The following RAVER2 variants were observed in gnomAD, a reference collection of about 807,000 sequenced individuals.
RAVER2 encodes the protein ribonucleoprotein PTB-binding 2.
In RAVER2, 46 loss-of-function variants were observed where a neutral mutation model predicts 78.1. That is an observed-to-expected ratio of 0.59 (90% CI 0.46 to 0.75). The LOEUF (loss-of-function observed/expected upper bound fraction) is 0.75, where lower values mean the gene tolerates loss of function less well. RAVER2 is among the 30% of genes least tolerant of loss of function. The pLI is 0.00. For missense variants in RAVER2, 793 were observed against 837.5 expected (o/e 0.95, Z 0.66); for synonymous variants, 311 against 313.3 (o/e 0.99, Z 0.08).
Position 64,746,414 on chromosome 1 carries a change from T to C in RAVER2, c.249+993T>C, listed in dbSNP as rs190987638. Among the ~76,000 whole-genome samples the C allele has an allele frequency of 1.1e-4, 16 of 152,366 alleles. No homozygotes were observed. The East Asian group carries it at 2.9e-3, about 28-fold the overall frequency. On this transcript the variant is annotated intron_variant, in intron 1 of 11. Transcript: ENST00000294428. ...GTTTCACATATAACCTGAATTTATA[T>C]ACTGCTCCGAGTGTGGTGGGCTGTC...
intron 5 of RAVER2, among the ~76,000 whole-genome samples, chr1:64,794,508 CT>C (rs1335987784): frequency 9.9e-5 from 15 of 151,600 alleles, no homozygotes. Context: ...CCCACCAGTA[CT>C]TGATCTGTTG....
At chr1:64,807,921 T>G (rs1653489203) in intron 9 of RAVER2, among the ~76,000 whole-genome samples, 1 of 152,176 alleles carries the variant, frequency 6.6e-6, no homozygotes, top group Admixed American at 6.5e-5. Context: ...TGAAAAAGCT[T>G]AGGAGTATCA....
intron 11 of RAVER2, among the ~76,000 whole-genome samples, chr1:64,818,008 CA>C (rs2100894090): frequency 6.6e-6 from 1 of 152,202 alleles, no homozygotes; most frequent in Admixed American, 6.5e-5. Flanking sequence ...TTCTTGATTT[CA>C]AAGGCCACAT....
At chr1:64,752,072 G>A (rs1651715900) in intron 1 of RAVER2, among the ~76,000 whole-genome samples, 1 of 152,172 alleles carries the variant, frequency 6.6e-6, no homozygotes, top group African/African-American at 2.4e-5. Context: ...GGGCAGGATA[G>A]CCCTTGGTGG....
intron 1 of RAVER2, among the ~76,000 whole-genome samples, chr1:64,754,276 A>G (rs1651787857): frequency 6.6e-6 from 1 of 152,138 alleles, no homozygotes; most frequent in Non-Finnish European, 1.5e-5. Flanking sequence ...CAAAGCTTAT[A>G]TCCTTATCTC....
intron 9 of RAVER2, among the ~76,000 whole-genome samples, chr1:64,812,362 CAAAAAAAA>C (rs61411897): frequency 1.7e-4 from 12 of 70,088 alleles, no homozygotes; most frequent in African/African-American, 6.1e-4. Flanking sequence ...ATTCCATCTC[CAAAAAAAA>C]AAAAAAAAAA....
Position 64,768,737 on chromosome 1 carries a change from C to T in RAVER2, c.316+15C>T. The T allele has an allele frequency of 7.0e-6, 10 of 1,430,928 alleles. No homozygotes were observed. The highest frequency in any genetic ancestry group is 9.8e-6 in the Non-Finnish European group (10 of 1,021,776). The allele number at this position is 1,430,928 out of a possible 1,614,324, so 88.6% of individuals were successfully genotyped here. On this transcript the variant is annotated intron_variant, in intron 2 of 11. Transcript: ENST00000294428. The stretch of plus-strand genomic sequence containing the variant: ...TAAACGAACAGGTAAGATTTCTATT[C>T]TAAGTGTCTAATTTCATTTTGATTC...
chr1:64,753,507 G>A (rs1651758810), intron 1 of RAVER2, among the ~76,000 whole-genome samples: 1 of 150,014 alleles, frequency 6.7e-6, no homozygotes, highest in Admixed American at 6.7e-5. Context: ...TCTACCCTCT[G>A]GCAATGTATA....
At chr1:64,761,741 A>G (rs1170624143) in intron 1 of RAVER2, among the ~76,000 whole-genome samples, 3 of 152,346 alleles carry the variant, frequency 2.0e-5, no homozygotes, top group East Asian at 3.9e-4. Flanking sequence ...ATATAAAAAA[A>G]GATGTAAAAC....
intron 6 of RAVER2, among the ~76,000 whole-genome samples, chr1:64,803,418 T>G (rs571313094): frequency 6.6e-6 from 1 of 152,262 alleles, no homozygotes; most frequent in East Asian, 1.9e-4. Context: ...GAACAGTAAC[T>G]TAATTTTTAA....
chr1:64,797,911 A>C (rs953664324), intron 5 of RAVER2, among the ~76,000 whole-genome samples: 1 of 149,420 alleles, frequency 6.7e-6, no homozygotes, highest in Non-Finnish European at 1.5e-5. Flanking sequence ...AAAGTAATGT[A>C]GTTTTTTTTT....
chr1:64,764,167 T>G (rs928015102), intron 1 of RAVER2, among the ~76,000 whole-genome samples: 2 of 152,112 alleles, frequency 1.3e-5, no homozygotes, highest in African/African-American at 4.8e-5. Context: ...AAAGCTTTAT[T>G]TAGGACAGTA....
exon 4 of RAVER2, chr1:64,781,481 C>T: frequency 6.2e-7 from 1 of 1,614,086 alleles, no homozygotes; most frequent in East Asian, 2.2e-5. Context: ...ACGGTATGAC[C>T]ATCAAGGGCA....
rs1218018070 is a variant in RAVER2 at position 64,747,635 on chromosome 1, C to T, written c.249+2214C>T. ...CAAGTGATTCTCCCTGCCTCAGCCT[C>T]CCAAGTAGCTGGGATTACATAAGCC... is the stretch of plus-strand genomic sequence containing the variant. On this transcript the variant is annotated intron_variant, in intron 1 of 11. Transcript: ENST00000294428. Among the ~76,000 whole-genome samples the T allele has an allele frequency of 2.0e-5, 3 of 152,052 alleles. No individual in the cohort carries two copies. The East Asian group carries it at 5.8e-4, about 29-fold the overall frequency.
At chr1:64,806,278 G>T (rs1422572194) in intron 8 of RAVER2, among the ~76,000 whole-genome samples, 3 of 152,150 alleles carry the variant, frequency 2.0e-5, no homozygotes, top group African/African-American at 7.2e-5. Flanking sequence ...AGGCATGCTG[G>T]CACACGCCTG....
intron 4 of RAVER2, among the ~76,000 whole-genome samples, chr1:64,786,519 G>T (rs534390137): frequency 2.6e-5 from 4 of 152,168 alleles, no homozygotes; most frequent in African/African-American, 4.8e-5. Flanking sequence ...GGCCAGGTGC[G>T]GTGGCTCTTG....
At chr1:64,784,409 C>G (rs975715937) in intron 4 of RAVER2, among the ~76,000 whole-genome samples, 6 of 152,044 alleles carry the variant, frequency 3.9e-5, no homozygotes, top group Admixed American at 3.9e-4. Flanking sequence ...AAACAAAGCT[C>G]TCTACTACCT....
intron 9 of RAVER2, among the ~76,000 whole-genome samples, chr1:64,810,947 C>G (rs1164659399): frequency 2.0e-5 from 3 of 151,792 alleles, no homozygotes; most frequent in African/African-American, 7.3e-5. Flanking sequence ...ACCCCATAGC[C>G]TAGAAATATT....
At chr1:64,777,237 A>G (rs1485541336) in intron 2 of RAVER2, among the ~76,000 whole-genome samples, 1 of 152,136 alleles carries the variant, frequency 6.6e-6, no homozygotes, top group Non-Finnish European at 1.5e-5. Flanking sequence ...ATTTCAGTTA[A>G]GTTTTATATA....
Sources: gnomAD v4.1 joint callset for allele counts (sites outside exome capture counted in the v4.1 genomes callset) on GRCh38, gnomAD v4.1.1 for gene constraint, MANE v1.5 for transcripts, NCBI Gene and HGNC (gene_info 2026-07-23, HGNC 2026-07-21) for gene names.